Variants in ITPR1 observed in about 807,000 individuals in gnomAD.
The protein encoded by ITPR1 is inositol 1,4,5-trisphosphate receptor type 1.
Under a neutral mutation model 318.4 loss-of-function variants are expected in ITPR1, and 96 were observed. The observed-to-expected ratio is 0.30, with a 90% CI of 0.26 to 0.36. ITPR1 has a LOEUF of 0.36. Ranked by LOEUF, ITPR1 falls within the 10% of genes least tolerant of loss-of-function variation. The probability of loss-of-function intolerance (pLI) is 1.00; values close to 1 mark genes in which losing one functional copy is unlikely to be tolerated. For missense variants in ITPR1, 2,440 were observed against 3,460.2 expected, an observed-to-expected ratio of 0.71 and a Z score of 7.40; for synonymous variants, 1,312 against 1,289.9, an observed-to-expected ratio of 1.02 and a Z score of -0.37.
chr3:4,600,410 T>C (rs185924739), intron 4 of ITPR1, among the ~76,000 whole-genome samples: 58 of 152,244 alleles, frequency 3.8e-4, no homozygotes, highest in South Asian at 1.0e-3. Context: ...TTGCTGGGGA[T>C]ACTGTGGATG....
chr3:4,771,477 G>A (rs1002596903), intron 46 of ITPR1, among the ~76,000 whole-genome samples: 3 of 152,192 alleles, frequency 2.0e-5, no homozygotes, highest in South Asian at 4.2e-4. Flanking sequence ...TCCCTCCCTC[G>A]CCCACACACC....
intron 31 of ITPR1, among the ~76,000 whole-genome samples, 156 bp downstream of exon 31, chr3:4,688,776 A>G (rs773306234): frequency 1.3e-5 from 2 of 152,210 alleles, no homozygotes; most frequent in Non-Finnish European, 2.9e-5. Context: ...TCACGAGGAC[A>G]TAAATACTCA....
intron 3 of ITPR1, among the ~76,000 whole-genome samples, 179 bp downstream of exon 3, chr3:4,516,762 A>G (rs1477930583): frequency 1.3e-5 from 2 of 152,212 alleles, no homozygotes; most frequent in Admixed American, 6.5e-5. Context: ...CAAAAACACA[A>G]TTTTCTGTAT....
intron 47 of ITPR1, 120 bp from the exon 48 acceptor site, chr3:4,777,144 C>T (rs1559877581): frequency 4.9e-6 from 3 of 610,882 alleles, no homozygotes; most frequent in East Asian, 2.8e-5. Context: ...TGCAGCTCTC[C>T]CCTAGAGACA....
intron 4 of ITPR1, among the ~76,000 whole-genome samples, chr3:4,568,699 T>C (rs1469348757): frequency 6.6e-6 from 1 of 152,110 alleles, no homozygotes; most frequent in Admixed American, 6.6e-5. Flanking sequence ...GAATGAGCCA[T>C]GTTGTGTGGC....
At chr3:4,844,245 T>C (rs558337412) in intron 61 of ITPR1, among the ~76,000 whole-genome samples, 1 of 151,856 alleles carries the variant, frequency 6.6e-6, no homozygotes, top group South Asian at 2.1e-4. Context: ...TCTTAGCTTC[T>C]CAAGTAGCTG....
intron 2 of ITPR1, among the ~76,000 whole-genome samples, chr3:4,503,178 T>G (rs1450349147): frequency 6.6e-6 from 1 of 152,132 alleles, no homozygotes; most frequent in Non-Finnish European, 1.5e-5. Context: ...GCTTTTGAGG[T>G]GTTGTTCAGT....
chr3:4,601,541 A>G (rs2091287531), intron 4 of ITPR1, among the ~76,000 whole-genome samples: 1 of 151,850 alleles, frequency 6.6e-6, no homozygotes. Context: ...CTCACACTGT[A>G]TGCAAAAGTT....
intron 20 of ITPR1, 26 bp from the exon 21 acceptor site, chr3:4,673,110 C>T (rs755613274): frequency 6.3e-7 from 1 of 1,599,492 alleles, no homozygotes; most frequent in East Asian, 2.2e-5. Context: ...GGAGCGTGAG[C>T]TGTGTGCCCT....
chr3:4,602,457 G>A (rs761824287), intron 4 of ITPR1, among the ~76,000 whole-genome samples: 2 of 151,500 alleles, frequency 1.3e-5, no homozygotes, highest in Non-Finnish European at 2.9e-5. Flanking sequence ...GGGCCTAGGA[G>A]GTCAAGGCTG....
intron 32 of ITPR1, among the ~76,000 whole-genome samples, chr3:4,691,619 T>C (rs1446294989): frequency 6.6e-6 from 1 of 152,166 alleles, no homozygotes; most frequent in African/African-American, 2.4e-5. Context: ...AACTGAATTA[T>C]AGGGAATGGA....
chr3:4,653,673 C>T (rs946398056), intron 11 of ITPR1, among the ~76,000 whole-genome samples, 169 bp from the exon 12 acceptor site: 33 of 152,064 alleles, frequency 2.2e-4, no homozygotes, highest in African/African-American at 7.7e-4. Flanking sequence ...TGTGCTGTAC[C>T]CATGTGACCT....
At chr3:4,545,498 C>T (rs937123739) in intron 4 of ITPR1, among the ~76,000 whole-genome samples, 2 of 151,780 alleles carry the variant, frequency 1.3e-5, no homozygotes, top group African/African-American at 2.4e-5. Context: ...TGGCACATGC[C>T]TGTGGTCCCA....
At chr3:4,823,177 C>T (rs984280907) in intron 60 of ITPR1, among the ~76,000 whole-genome samples, 41 of 152,258 alleles carry the variant, frequency 2.7e-4, no homozygotes, top group Middle Eastern at 3.4e-3. Flanking sequence ...ATTATGAGCA[C>T]TTTGCCTGAG....
In ITPR1 at chr3:4,603,435, T is replaced by A. The variant is rs1011202364; in HGVS notation, c.164-24328T>A. ...TTCTTTTCTTTTTTATTTTTGGTTT[T>A]GTTTTTGTTTTTGAGACAGAGTCTC... On this transcript the variant is annotated intron_variant, in intron 4 of 61. Transcript: ENST00000649015. Among the ~76,000 whole-genome samples the A allele has an allele frequency of 6.4e-4, 97 of 152,162 alleles. 1 individual carries two copies. The highest frequency in any genetic ancestry group is 2.3e-3 in the African/African-American group (97 of 41,532).
intron 44 of ITPR1, among the ~76,000 whole-genome samples, chr3:4,757,704 T>A (rs2125357649): frequency 6.6e-6 from 1 of 152,300 alleles, no homozygotes; most frequent in African/African-American, 2.4e-5. Context: ...CCCCATGGGG[T>A]GCTTCTGAGG....
At chr3:4,613,012 G>A (rs970475575) in intron 4 of ITPR1, among the ~76,000 whole-genome samples, 8 of 152,202 alleles carry the variant, frequency 5.3e-5, no homozygotes, top group African/African-American at 1.7e-4. Context: ...GGTTAAGGAC[G>A]TGCCTGTGAC....
chr3:4,597,805 G>T (rs1365098916), intron 4 of ITPR1, among the ~76,000 whole-genome samples: 1 of 152,208 alleles, frequency 6.6e-6, no homozygotes, highest in Non-Finnish European at 1.5e-5. Flanking sequence ...TAACCTCCTA[G>T]CTTGGCAGAC....
chr3:4,679,751 T>C (rs2094259430), intron 24 of ITPR1, among the ~76,000 whole-genome samples: 1 of 152,186 alleles, frequency 6.6e-6, no homozygotes, highest in Admixed American at 6.5e-5. Flanking sequence ...CGCAGTTACT[T>C]TTGTGAAACA....
Sources: gnomAD v4.1 joint callset for allele counts (sites outside exome capture counted in the v4.1 genomes callset) on GRCh38, gnomAD v4.1.1 for gene constraint, MANE v1.5 for transcripts, NCBI Gene and HGNC (gene_info 2026-07-23, HGNC 2026-07-21) for gene names.